NSD3: variants seen among roughly 807,000 people sequenced by gnomAD.
NSD3 encodes nuclear receptor binding SET domain protein 3.
NSD3 carries 24 observed loss-of-function variants against 160.8 expected under a neutral mutation model. The ratio of observed to expected loss-of-function variants is 0.15; its 90% CI spans 0.11 to 0.21. The LOEUF (loss-of-function observed/expected upper bound fraction) is 0.21. Ranked by LOEUF, NSD3 falls within the 10% of genes least tolerant of loss-of-function variation. NSD3 has a pLI of 1.00. For missense variants in NSD3, 1,157 were observed against 1,735.9 expected, an observed-to-expected ratio of 0.67 and a Z score of 5.93; for synonymous variants, 520 against 600.0, an observed-to-expected ratio of 0.87 and a Z score of 1.95.
chr8:38,320,561 G>A (rs1450958796), intron 8 of NSD3: 3 of 151,786 alleles, frequency 2.0e-5, no homozygotes, highest in African/African-American at 4.8e-5. Flanking sequence ...GATATCAGGT[G>A]AATATTCCAC....
rs1389089952 is a variant in NSD3, at chr8:38,303,478, T to C, written c.2611+1109A>G. 4 of 806,820 alleles carry C rather than the reference T, an allele frequency of 5.0e-6. No homozygotes were observed. The South Asian group carries it at 1.7e-4, about 34-fold the overall frequency. The allele number at this position is 806,820 out of a possible 1,614,324, so 50.0% of individuals were successfully genotyped here. On this transcript the variant is annotated intron_variant, in intron 14 of 23. Transcript: ENST00000317025. Reference sequence around the variant, plus strand: ...GCTTATAAAACAGGCAAACAGAAAGTAGTGTCTACTACAGACCCTGCTAGC... The same window carrying C: ...GCTTATAAAACAGGCAAACAGAAAGCAGTGTCTACTACAGACCCTGCTAGC...
At chr8:38,278,256 C>A in intron 22 of NSD3, 50 bp downstream of exon 22, 2 of 1,556,440 alleles carry the variant, frequency 1.3e-6, no homozygotes, top group Non-Finnish European at 1.8e-6. Flanking sequence ...TTCTTAACAG[C>A]CCTACTCCTT....
At chr8:38,295,013 G>A (rs1285476085) in intron 16 of NSD3, among the ~76,000 whole-genome samples, 4 of 150,184 alleles carry the variant, frequency 2.7e-5, no homozygotes, top group South Asian at 2.1e-4. Flanking sequence ...GCATGGTAGC[G>A]GGCGCCTGTA....
At chr8:38,356,363 A>G (rs1810823912) in intron 1 of NSD3, among the ~76,000 whole-genome samples, 1 of 152,164 alleles carries the variant, frequency 6.6e-6, no homozygotes, top group South Asian at 2.1e-4. Context: ...CTGATAATAG[A>G]AAAGTTTATA....
intron 8 of NSD3, chr8:38,320,317 G>C (rs1809766253): frequency 6.6e-6 from 1 of 152,048 alleles, no homozygotes. Flanking sequence ...TTCAGAATTT[G>C]TTTTGTTTGC....
In NSD3 at chr8:38,299,483, T is replaced by G; in HGVS notation, c.2719A>C (p.Ile907Leu). The change falls in exon 15 of 24, where the codon ATT becomes CTT. Residue 907 changes from isoleucine to leucine, a missense_variant. By Grantham distance (5) the Ile-to-Leu change is conservative (BLOSUM62 2). Coordinates refer to ENST00000317025, the MANE Select transcript of NSD3 (RefSeq NM_023034.2). ...TTTTTGGAAGCTGACGAAGAAGGAATCATAGGTAATTTCATCAACTCAGCA... is the reference window on the plus strand; with the variant it reads ...TTTTTGGAAGCTGACGAAGAAGGAAGCATAGGTAATTTCATCAACTCAGCA... ...NRAELMKLPMIPSSSASKKKC... is the reference protein window; with the variant it reads ...NRAELMKLPMLPSSSASKKKC... The G allele has an allele frequency of 6.2e-7, 1 of 1,613,746 alleles. No homozygotes were observed.
chr8:38,312,262 AT>A (rs552731996), intron 12 of NSD3, among the ~76,000 whole-genome samples: 60 of 152,048 alleles, frequency 3.9e-4, no homozygotes, highest in African/African-American at 8.7e-4. Context: ...TTTATTAAAA[AT>A]TTTTTTTCAT....
chr8:38,332,569 A>G (rs1477120558), intron 4 of NSD3, among the ~76,000 whole-genome samples: 1 of 152,236 alleles, frequency 6.6e-6, no homozygotes, highest in Non-Finnish European at 1.5e-5. Context: ...ATTAAGGGCA[A>G]TGCTACTCTG....
rs774803001 is a variant in NSD3 at position 38,315,525 on chromosome 8, A to T, written c.2006T>A (p.Val669Glu). 6.2e-7 allele frequency: 1 copy of T among 1,613,610 alleles called. No homozygotes were observed. Among genetic ancestry groups the T allele is most frequent in the Non-Finnish European group, 8.5e-7 (1 of 1,179,820 alleles). Residue 669 changes from valine to glutamate, a missense_variant, in exon 11 of 24, where the codon GTA becomes GAA. By Grantham distance (121) the Val-to-Glu change is moderately radical. Transcript: ENST00000317025. ...ATCTGCAGTAGCTGAAGGGCTATCT[A>T]CTTGCTTTCCAAAGCCTACCTACAT... ...SDLQVGFGKQ[V>E]DSPSATADAD...
In NSD3 at chr8:38,319,020, T is replaced by G; in HGVS notation, c.1810-80A>C. The stretch of plus-strand genomic sequence containing the variant: ...TTAACAGAGGGAAAAGATACTTTCA[T>G]CAATCTAAGCAATGATGAGTGATTA... On this transcript the variant is annotated intron_variant, in intron 8 of 23. Transcript: ENST00000317025. This position sits in a 1 kb window ranked among gnomAD's most constrained non-coding sequence, Gnocchi z 4.1. 2 of 1,273,162 alleles carry G rather than the reference T, an allele frequency of 1.6e-6. No individual in the cohort carries two copies. Among genetic ancestry groups the G allele is most frequent in the South Asian group, 2.6e-5 (2 of 77,138 alleles). The allele number at this position is 1,273,162 out of a possible 1,614,324, so 78.9% of individuals were successfully genotyped here. A position where few individuals can be genotyped will look rare whatever the true frequency, so the allele number is the denominator to read the frequency against.
chr8:38,309,749 C>T (rs1809490365), intron 12 of NSD3, among the ~76,000 whole-genome samples: 1 of 152,164 alleles, frequency 6.6e-6, no homozygotes, highest in Non-Finnish European at 1.5e-5. Context: ...GAGACTTATT[C>T]TATTGTACAT....
intron 4 of NSD3, among the ~76,000 whole-genome samples, chr8:38,333,711 C>G (rs1185576285): frequency 6.6e-6 from 1 of 151,558 alleles, no homozygotes; most frequent in African/African-American, 2.4e-5. Context: ...ACTAAAAATA[C>G]AAAAAATTAG....
At chr8:38,285,773 A>T (rs1446428806) in intron 19 of NSD3, among the ~76,000 whole-genome samples, 1 of 152,264 alleles carries the variant, frequency 6.6e-6, no homozygotes, top group East Asian at 1.9e-4. Context: ...TTGACCAAGC[A>T]GCCCAGTCCA....
Position 38,328,984 on chromosome 8 carries a change from G to T in NSD3, c.1581+394C>A, listed in dbSNP as rs1809981174. Reference sequence around the variant, plus strand: ...CAGGTCAGCAGGTACAATTATTACAGTGGTTTTTATAACAATGGTTAATTC... The same window carrying T: ...CAGGTCAGCAGGTACAATTATTACATTGGTTTTTATAACAATGGTTAATTC... On this transcript the variant is annotated intron_variant, in intron 6 of 23. Coordinates refer to ENST00000317025, the MANE Select transcript of NSD3 (RefSeq NM_023034.2). 3.3e-5 allele frequency among the ~76,000 whole-genome samples: 5 copies of T among 152,326 alleles called. No individual in the cohort carries two copies. In the South Asian group the frequency reaches 1.0e-3, roughly 32 times the overall value.
At chr8:38,312,498 T>C (rs1050898183) in intron 12 of NSD3, among the ~76,000 whole-genome samples, 11 of 152,292 alleles carry the variant, frequency 7.2e-5, no homozygotes, top group African/African-American at 2.4e-4. Context: ...CTTTGGATAT[T>C]TGTCCCCACC....
intron 1 of NSD3, among the ~76,000 whole-genome samples, chr8:38,351,167 C>T (rs1365850255): frequency 1.3e-5 from 2 of 148,492 alleles, no homozygotes; most frequent in Non-Finnish European, 3.0e-5. Flanking sequence ...TTAGTAGAGA[C>T]GGGGTTTCAC....
rs1179462300 is a variant in NSD3, at chr8:38,319,199, G to C, written c.1810-259C>G. ...CAAAGACTTTTCCCACCATTCCCTT[G>C]GTATATGAAGAGAACAAGAATACTT... is the stretch of plus-strand genomic sequence containing the variant. On this transcript the variant is annotated intron_variant, in intron 8 of 23. Transcript: ENST00000317025. This position sits in a 1 kb window ranked among gnomAD's most constrained non-coding sequence, Gnocchi z 4.1. 5.5e-5 allele frequency: 21 copies of C among 382,190 alleles called. No individual in the cohort carries two copies. The East Asian group carries it at 8.9e-4, about 16-fold the overall frequency. 23.7% of individuals were successfully genotyped at this position (382,190 alleles called of 1,614,324 possible).
At position 38,321,511 on chromosome 8, in the gene NSD3, G is replaced by A. The variant is rs1357270084; in HGVS notation, c.1709-339C>T. 6.6e-6 allele frequency among the ~76,000 whole-genome samples: 1 copy of A among 152,156 alleles called. No homozygotes were observed. Among genetic ancestry groups the A allele is most frequent in the Non-Finnish European group, 1.5e-5 (1 of 68,034 alleles). On this transcript the variant is annotated intron_variant, in intron 7 of 23. Transcript: ENST00000317025. The surrounding 1 kb of genome is among the most constrained non-coding windows in gnomAD (Gnocchi z 4.7). ...TAGGTAAATATAATTAGGGAATGAAGGGACTGAAGGATGCATAAAAATAAA... is the reference window on the plus strand; with the variant it reads ...TAGGTAAATATAATTAGGGAATGAAAGGACTGAAGGATGCATAAAAATAAA...
In NSD3 at chr8:38,273,037, CT is replaced by C. The variant is rs371402651; in HGVS notation, c.*2603del. 9 of 149,342 alleles carry C rather than the reference CT, an allele frequency of 6.0e-5. No individual in the cohort carries two copies. Among genetic ancestry groups the C allele is most frequent in the Non-Finnish European group, 3.0e-5 (2 of 67,056 alleles). 9.3% of individuals were successfully genotyped at this position (149,342 alleles called of 1,614,324 possible). A position where few individuals can be genotyped will look rare whatever the true frequency, so the allele number is the denominator to read the frequency against. ...CCAAAGACTTCAGAACTATGGTTAC[CT>C]TTTTTTTTTGAGATGGAGTCTCGCT... On this transcript the variant is annotated 3_prime_UTR_variant, in exon 24 of 24. Coordinates refer to ENST00000317025, the MANE Select transcript of NSD3 (RefSeq NM_023034.2).
Sources: allele counts gnomAD v4.1 joint callset (sites outside exome capture counted in the v4.1 genomes callset), GRCh38; gene constraint gnomAD v4.1.1; non-coding constraint Gnocchi (gnomAD v3.1); transcripts MANE v1.5; gene names NCBI Gene and HGNC (gene_info 2026-07-23, HGNC 2026-07-21).